Variants in ABAT observed in about 807,000 individuals in gnomAD.
The protein encoded by ABAT is 4-aminobutyrate aminotransferase.
In ABAT, 45 loss-of-function variants were observed where a neutral mutation model predicts 64.6. That is an observed-to-expected ratio of 0.70 (90% confidence interval 0.55 to 0.89). The LOEUF (loss-of-function observed/expected upper bound fraction) is 0.89. ABAT is among the 40% of genes least tolerant of loss of function. ABAT has a pLI of 0.00. For synonymous variants in ABAT, 297 were observed against 250.5 expected, an observed-to-expected ratio of 1.19 and a Z score of -1.75; for missense variants, 633 against 658.4, an observed-to-expected ratio of 0.96 and a Z score of 0.42.
chr16:8,701,016 T>C (rs540252506), intron 1 of ABAT, among the ~76,000 whole-genome samples: 1 of 151,914 alleles, frequency 6.6e-6, no homozygotes, highest in East Asian at 1.9e-4. Context: ...TGGCTCACTG[T>C]AACCTCTGCT....
At chr16:8,695,641 A>C (rs1349754460) in intron 1 of ABAT, among the ~76,000 whole-genome samples, 1 of 152,236 alleles carries the variant, frequency 6.6e-6, no homozygotes, top group Non-Finnish European at 1.5e-5. Flanking sequence ...GGGTGAGTGT[A>C]GATAAAGCCT....
At chr16:8,723,107 C>T (rs1393284395) in intron 1 of ABAT, among the ~76,000 whole-genome samples, 1 of 152,040 alleles carries the variant, frequency 6.6e-6, no homozygotes, top group East Asian at 1.9e-4. Flanking sequence ...GTGGCGTGCC[C>T]CTGTAATCCC....
chr16:8,752,282 T>C (rs893552225), intron 5 of ABAT, among the ~76,000 whole-genome samples: 1 of 152,096 alleles, frequency 6.6e-6, no homozygotes, highest in African/African-American at 2.4e-5. Flanking sequence ...AAAAACCCCA[T>C]CTCCCCTTTG....
rs779910757 is a variant in ABAT at position 8,781,228 on chromosome 16, A to G, written c.1382-81A>G. On this transcript the variant is annotated intron_variant, in intron 15 of 15. Coordinates refer to ENST00000268251, the MANE Select transcript of ABAT (RefSeq NM_020686.6). The surrounding 1 kb of genome is among the most constrained non-coding windows in gnomAD (Gnocchi z 4.5). ...ATGGATGGATGGATGAGCGTTGCCA[A>G]CAGGCATCACTTTCCCCCCAGCTCT... 9.4e-6 allele frequency: 15 copies of G among 1,601,182 alleles called. No homozygotes were observed. The highest frequency in any genetic ancestry group is 2.7e-5 in the African/African-American group (2 of 74,558).
At chr16:8,726,264 T>TC (rs1157865072) in intron 1 of ABAT, among the ~76,000 whole-genome samples, 2 of 143,292 alleles carry the variant, frequency 1.4e-5, no homozygotes, top group Non-Finnish European at 3.1e-5. Context: ...GACTAGATCT[T>TC]TTTTTTTTTT....
chr16:8,709,613 A>T (rs2058025528), intron 1 of ABAT, among the ~76,000 whole-genome samples: 1 of 152,186 alleles, frequency 6.6e-6, no homozygotes, highest in Admixed American at 6.5e-5. Context: ...ACATCAAATG[A>T]TCCACCCGCC....
intron 1 of ABAT, chr16:8,722,950 G>C: frequency 9.2e-7 from 1 of 1,084,402 alleles, no homozygotes; most frequent in Non-Finnish European, 1.2e-6. Flanking sequence ...TAGAAACAAT[G>C]TGATCCAGCC....
chr16:8,740,400 G>T (rs1346740168), intron 2 of ABAT, among the ~76,000 whole-genome samples: 1 of 152,176 alleles, frequency 6.6e-6, no homozygotes, highest in Non-Finnish European at 1.5e-5. Flanking sequence ...GCTCAACTTG[G>T]CGGTTGGACG....
chr16:8,682,208 C>CACACAT (rs2057351597), intron 1 of ABAT, among the ~76,000 whole-genome samples: 1 of 137,872 alleles, frequency 7.3e-6, no homozygotes, highest in African/African-American at 2.5e-5. Context: ...CACACACACA[C>CACACAT]ACACACACAC....
chr16:8,677,338 AG>A (rs764270530), intron 1 of ABAT, among the ~76,000 whole-genome samples: 1 of 152,310 alleles, frequency 6.6e-6, no homozygotes, highest in African/African-American at 2.4e-5. Context: ...CCTGGGGACA[AG>A]GGGATGTCTT....
intron 2 of ABAT, among the ~76,000 whole-genome samples, chr16:8,738,017 G>A (rs200744942): frequency 0.027 from 929 of 34,912 alleles, 48 homozygotes; most frequent in Non-Finnish European, 0.034. Flanking sequence ...AGAAAGAAAG[G>A]AAAGAAAGAA....
intron 1 of ABAT, among the ~76,000 whole-genome samples, chr16:8,686,801 C>G (rs908964103): frequency 3.9e-5 from 6 of 152,094 alleles, no homozygotes; most frequent in African/African-American, 1.4e-4. Context: ...GTCTTTGCAC[C>G]TAATGATCAC....
chr16:8,690,268 G>A (rs2057550400), intron 1 of ABAT, among the ~76,000 whole-genome samples: 1 of 152,152 alleles, frequency 6.6e-6, no homozygotes, highest in Non-Finnish European at 1.5e-5. Flanking sequence ...TTGCTGGAGT[G>A]TCCCTTAAGG....
chr16:8,697,504 C>T (rs1309262377), intron 1 of ABAT, among the ~76,000 whole-genome samples: 2 of 152,128 alleles, frequency 1.3e-5, no homozygotes, highest in Non-Finnish European at 2.9e-5. Context: ...TCTGGAAATG[C>T]CCGGAACAGT....
At chr16:8,695,231 A>G (rs978648107) in intron 1 of ABAT, among the ~76,000 whole-genome samples, 4 of 152,220 alleles carry the variant, frequency 2.6e-5, no homozygotes, top group Admixed American at 2.6e-4. Flanking sequence ...TGAGTCTACA[A>G]GACATCTCCC....
intron 1 of ABAT, among the ~76,000 whole-genome samples, chr16:8,724,955 T>C (rs931208842): frequency 6.6e-5 from 10 of 150,932 alleles, no homozygotes; most frequent in Non-Finnish European, 1.2e-4. Context: ...CTCACTCTGT[T>C]GCCCAGGCTG....
intron 1 of ABAT, among the ~76,000 whole-genome samples, chr16:8,684,580 G>A (rs1177301738): frequency 1.3e-5 from 2 of 151,998 alleles, no homozygotes; most frequent in Admixed American, 1.3e-4. Context: ...TTAGCCAGGT[G>A]TGGTAATGTG....
At chr16:8,730,810 C>T (rs77568772) in intron 1 of ABAT, among the ~76,000 whole-genome samples, 2,129 of 152,300 alleles carry the variant, frequency 0.014, 56 homozygotes, top group African/African-American at 0.049. Flanking sequence ...CAAGCCAGGA[C>T]TCCTGAGCCA....
chr16:8,753,076 G>A (rs2059537959), intron 5 of ABAT, among the ~76,000 whole-genome samples: 1 of 150,212 alleles, frequency 6.7e-6, no homozygotes, highest in South Asian at 2.1e-4. Context: ...ACAACTCTCT[G>A]CCTCCCAAGC....
Sources: gnomAD v4.1 joint callset for allele counts (sites outside exome capture counted in the v4.1 genomes callset) on GRCh38, gnomAD v4.1.1 for gene constraint, Gnocchi (gnomAD v3.1) non-coding constraint, MANE v1.5 for transcripts, NCBI Gene and HGNC (gene_info 2026-07-23, HGNC 2026-07-21) for gene names.